ETV1: variants seen among roughly 807,000 people sequenced by gnomAD.
The protein encoded by ETV1 is ETS translocation variant 1.
A neutral mutation model predicts 62.3 loss-of-function variants in ETV1; 27 were observed. That is an observed-to-expected ratio of 0.43 (90% CI 0.32 to 0.60). The LOEUF (loss-of-function observed/expected upper bound fraction) is 0.60. ETV1 is among the 20% of genes least tolerant of loss of function. The probability of loss-of-function intolerance (pLI) is 0.06; values close to 1 mark genes in which losing one functional copy is unlikely to be tolerated. For missense variants in ETV1, 605 were observed against 605.8 expected, an observed-to-expected ratio of 1.00 and a Z score of 0.01; for synonymous variants, 222 against 199.6, an observed-to-expected ratio of 1.11 and a Z score of -0.94.
chr7:13,956,162 T>A (rs571552614), intron 6 of ETV1, among the ~76,000 whole-genome samples: 2 of 152,204 alleles, frequency 1.3e-5, no homozygotes, highest in Non-Finnish European at 2.9e-5. Flanking sequence ...AATCAAGTAT[T>A]ATACAAGTAT....
chr7:13,909,779 A>T, intron 10 of ETV1, 79 bp from the exon 11 acceptor site: 1 of 1,241,006 alleles, frequency 8.1e-7, no homozygotes, highest in South Asian at 1.2e-5. Flanking sequence ...ATTTAACATA[A>T]AAATTGTGAT....
At chr7:13,902,330 C>A (rs1435464944) in intron 12 of ETV1, among the ~76,000 whole-genome samples, 1 of 151,328 alleles carries the variant, frequency 6.6e-6, no homozygotes, top group Non-Finnish European at 1.5e-5. Context: ...AATTTTTATT[C>A]TCTGAATGAA....
At chr7:13,975,366 G>T (rs1209990641) in intron 6 of ETV1, among the ~76,000 whole-genome samples, 1 of 152,018 alleles carries the variant, frequency 6.6e-6, no homozygotes, top group African/African-American at 2.4e-5. Context: ...CCAACACAGT[G>T]AAACCCCAAC....
chr7:13,987,839 A>G (rs1338151339), intron 4 of ETV1, among the ~76,000 whole-genome samples: 2 of 152,230 alleles, frequency 1.3e-5, no homozygotes, highest in African/African-American at 2.4e-5. Flanking sequence ...ACACAAAACA[A>G]TGATTAAAAG....
intron 9 of ETV1, among the ~76,000 whole-genome samples, chr7:13,912,033 C>T (rs532590525): frequency 1.1e-4 from 16 of 152,196 alleles, no homozygotes; most frequent in Non-Finnish European, 2.2e-4. Context: ...AATAACTCTG[C>T]CATCAGCTCA....
At chr7:13,981,816 T>C (rs1782019393) in intron 5 of ETV1, among the ~76,000 whole-genome samples, 2 of 151,994 alleles carry the variant, frequency 1.3e-5, no homozygotes, top group South Asian at 4.1e-4. Context: ...CATGAGAAAT[T>C]TAAATTTTAT....
chr7:13,944,250 C>T (rs2079329), intron 6 of ETV1, among the ~76,000 whole-genome samples: 135,793 of 152,198 alleles, frequency 0.89, 60,597 homozygotes, highest in East Asian at 0.99. Flanking sequence ...TACCATAGAC[C>T]GTATGGTTTA....
At chr7:13,953,886 G>A (rs1443923952) in intron 6 of ETV1, among the ~76,000 whole-genome samples, 2 of 152,198 alleles carry the variant, frequency 1.3e-5, no homozygotes, top group African/African-American at 4.8e-5. Context: ...GATAGTGGAT[G>A]AAGATGTAGC....
Position 13,931,757 on chromosome 7 carries a change from AT to A in ETV1, c.555-9del, listed in dbSNP as rs1562637636. ...GAAAGCTGGCGGCGAAATCTAGGGA[AT>A]AAGAGAGTGTGTTTCAGATGAAACG... On this transcript the variant is annotated splice_polypyrimidine_tract_variant and intron_variant, in intron 8 of 13. Transcript: ENST00000430479. The A allele has an allele frequency of 6.2e-7, 1 of 1,612,992 alleles. No individual in the cohort carries two copies. Among genetic ancestry groups the A allele is most frequent in the Non-Finnish European group, 8.5e-7 (1 of 1,179,000 alleles).
intron 6 of ETV1, among the ~76,000 whole-genome samples, chr7:13,954,235 A>T (rs904210167): frequency 2.6e-5 from 4 of 152,248 alleles, no homozygotes; most frequent in African/African-American, 9.6e-5. Context: ...AAAATAAGTA[A>T]TCAGTGATGC....
At chr7:13,978,744 A>G (rs1177905644) in intron 5 of ETV1, among the ~76,000 whole-genome samples, 1 of 151,982 alleles carries the variant, frequency 6.6e-6, no homozygotes, top group Non-Finnish European at 1.5e-5. Flanking sequence ...AGAATACAAT[A>G]TACAGAATTA....
Position 13,898,896 on chromosome 7 carries a change from G to C in ETV1, c.1212+1842C>G, listed in dbSNP as rs1057388561. Among the ~76,000 whole-genome samples the C allele has an allele frequency of 6.6e-5, 10 of 152,284 alleles. 1 individual carries two copies. The South Asian group carries it at 2.1e-3, about 32-fold the overall frequency. On this transcript the variant is annotated intron_variant, in intron 13 of 13. Coordinates refer to ENST00000430479, the MANE Select transcript of ETV1 (RefSeq NM_004956.5). ...AACCTGTAGTTCCAGCTACTCAGGA[G>C]GCTGAGGCAGGAGGATTGCTGGAGC... is the stretch of plus-strand genomic sequence containing the variant.
At chr7:13,953,274 A>G (rs993166285) in intron 6 of ETV1, among the ~76,000 whole-genome samples, 1 of 151,982 alleles carries the variant, frequency 6.6e-6, no homozygotes, top group African/African-American at 2.4e-5. Flanking sequence ...CCAAATCCAC[A>G]CCTCTCAAAA....
chr7:13,900,600 C>G (rs1471135011), intron 13 of ETV1, 138 bp downstream of exon 13: 4 of 613,522 alleles, frequency 6.5e-6, no homozygotes, highest in African/African-American at 1.9e-5. Context: ...CTTGTAATAC[C>G]AAAACCAAGA....
intron 6 of ETV1, among the ~76,000 whole-genome samples, chr7:13,941,512 A>G (rs1388786276): frequency 6.6e-6 from 1 of 152,204 alleles, no homozygotes; most frequent in African/African-American, 2.4e-5. Context: ...ACGTTTGTCT[A>G]TGTGTCCTAA....
intron 6 of ETV1, among the ~76,000 whole-genome samples, chr7:13,964,923 G>A (rs1196704861): frequency 6.6e-6 from 1 of 152,030 alleles, no homozygotes; most frequent in African/African-American, 2.4e-5. Context: ...TAAATTAAAG[G>A]TGTTGATATC....
intron 6 of ETV1, among the ~76,000 whole-genome samples, chr7:13,950,177 G>T (rs1192560488): frequency 6.6e-6 from 1 of 152,136 alleles, no homozygotes; most frequent in African/African-American, 2.4e-5. Flanking sequence ...GAAGCCCAAT[G>T]TGCAAAACAG....
At chr7:13,960,924 T>G (rs1288628995) in intron 6 of ETV1, among the ~76,000 whole-genome samples, 1 of 152,112 alleles carries the variant, frequency 6.6e-6, no homozygotes, top group African/African-American at 2.4e-5. Context: ...GAAGGATCAC[T>G]TGGGTCCACA....
At chr7:13,980,012 T>G (rs1228276028) in intron 5 of ETV1, among the ~76,000 whole-genome samples, 1 of 152,060 alleles carries the variant, frequency 6.6e-6, no homozygotes, top group Non-Finnish European at 1.5e-5. Context: ...ATACAGAAAA[T>G]AGCTGCACGA....
Sources: gnomAD v4.1 joint callset for allele counts (sites outside exome capture counted in the v4.1 genomes callset) on GRCh38, gnomAD v4.1.1 for gene constraint, MANE v1.5 for transcripts, NCBI Gene and HGNC (gene_info 2026-07-23, HGNC 2026-07-21) for gene names.